RORB: variants seen among roughly 807,000 people sequenced by gnomAD.
RORB encodes the protein RAR related orphan receptor B, also known as nuclear receptor ROR-beta.
RORB carries 6 observed loss-of-function variants against 59.1 expected under a neutral mutation model. The observed-to-expected ratio is 0.10, with a 90% CI of 0.06 to 0.20. The LOEUF (loss-of-function observed/expected upper bound fraction) is 0.20, where lower values mean the gene tolerates loss of function less well. RORB is among the 10% of genes least tolerant of loss of function. The pLI is 1.00. For synonymous variants in RORB, 215 were observed against 204.5 expected (o/e 1.05, Z -0.44); for missense variants, 320 against 560.5 (o/e 0.57, Z 4.33).
chr9:74,526,614 G>A (rs1826159734), intron 1 of RORB, among the ~76,000 whole-genome samples: 1 of 151,918 alleles, frequency 6.6e-6, no homozygotes, highest in East Asian at 1.9e-4. Context: ...ACTCCCATTT[G>A]TGCCAGAAAC....
chr9:74,558,979 T>C (rs1010269419), intron 1 of RORB, among the ~76,000 whole-genome samples: 6 of 152,098 alleles, frequency 3.9e-5, no homozygotes, highest in African/African-American at 1.2e-4. Context: ...CTACCAACAA[T>C]TATGAAAAGA....
chr9:74,554,762 G>A (rs947405657), intron 1 of RORB, among the ~76,000 whole-genome samples: 3 of 152,120 alleles, frequency 2.0e-5, no homozygotes, highest in African/African-American at 7.2e-5. Flanking sequence ...ATTTGGCAGC[G>A]CCAGGCCACA....
chr9:74,514,931 TA>T (rs990306037), intron 1 of RORB, among the ~76,000 whole-genome samples: 36 of 151,564 alleles, frequency 2.4e-4, no homozygotes, highest in African/African-American at 8.0e-4. Context: ...AACCCTCAAG[TA>T]TAACTTCTGA....
chr9:74,653,972 A>G (rs1445611094), intron 4 of RORB, among the ~76,000 whole-genome samples: 2 of 152,158 alleles, frequency 1.3e-5, no homozygotes, highest in Non-Finnish European at 2.9e-5. Flanking sequence ...TTGTCAGTTT[A>G]CTTCTTTTTC....
chr9:74,531,890 A>G (rs373800798), intron 1 of RORB, among the ~76,000 whole-genome samples: 3 of 151,908 alleles, frequency 2.0e-5, no homozygotes, highest in African/African-American at 7.2e-5. Context: ...ATGAATTCCT[A>G]GTCTTGAAAT....
chr9:74,497,802 G>A lies in RORB; in HGVS notation c.-175G>A, dbSNP rs1371538473. On this transcript the variant is annotated 5_prime_UTR_variant, in exon 1 of 10. Transcript: ENST00000376896. ...CATCAAAACTGTTAACATAGCGGCGGCGGCGGCAAACGTCACCCTGCAGCC... is the reference window on the plus strand; with the variant it reads ...CATCAAAACTGTTAACATAGCGGCGACGGCGGCAAACGTCACCCTGCAGCC... 1.6e-6 allele frequency: 1 copy of A among 630,250 alleles called. No individual in the cohort carries two copies. Among genetic ancestry groups the A allele is most frequent in the Non-Finnish European group, 2.8e-6 (1 of 354,460 alleles). 39.0% of individuals were successfully genotyped at this position (630,250 alleles called of 1,614,324 possible). A position where few individuals can be genotyped will look rare whatever the true frequency, so the allele number is the denominator to read the frequency against.
chr9:74,575,334 C>T (rs151115694), intron 1 of RORB, among the ~76,000 whole-genome samples: 1 of 152,204 alleles, frequency 6.6e-6, no homozygotes, highest in East Asian at 1.9e-4. Flanking sequence ...GATGGAGGAC[C>T]TGCAGGGCTT....
intron 1 of RORB, among the ~76,000 whole-genome samples, chr9:74,550,970 A>G (rs1826599024): frequency 6.6e-6 from 1 of 152,224 alleles, no homozygotes; most frequent in Non-Finnish European, 1.5e-5. Flanking sequence ...TATTTTAGAT[A>G]TATTGGATTA....
In RORB at chr9:74,635,616, A is replaced by G. The variant is rs375691057; in HGVS notation, c.235+844A>G. ...ATTTCTGTCTTGTTCCCACTAAAAC[A>G]TCAGGCTCTGCTTAAAAGCACACAC... On this transcript the variant is annotated intron_variant, in intron 3 of 9. Transcript: ENST00000376896. Among the ~76,000 whole-genome samples, 6 of 152,286 alleles carry G rather than the reference A, an allele frequency of 3.9e-5. No individual in the cohort carries two copies. In the East Asian group the frequency reaches 1.2e-3, roughly 29 times the overall value.
At chr9:74,566,294 A>G (rs755412829) in intron 1 of RORB, among the ~76,000 whole-genome samples, 6 of 151,984 alleles carry the variant, frequency 3.9e-5, no homozygotes, top group Non-Finnish European at 8.8e-5. Context: ...TAGAATCTCA[A>G]AGTCATTCTG....
chr9:74,543,952 T>C (rs1298753188), intron 1 of RORB, among the ~76,000 whole-genome samples: 3 of 152,190 alleles, frequency 2.0e-5, no homozygotes, highest in African/African-American at 7.2e-5. Flanking sequence ...TAGAACACCT[T>C]GAAACTAGAC....
intron 5 of RORB, among the ~76,000 whole-genome samples, chr9:74,661,162 G>C (rs1824173664): frequency 6.6e-6 from 1 of 152,152 alleles, no homozygotes; most frequent in African/African-American, 2.4e-5. Flanking sequence ...GCTTTCTAAA[G>C]TTTTTTCTTG....
At chr9:74,568,547 A>G (rs1462182597) in intron 1 of RORB, among the ~76,000 whole-genome samples, 1 of 151,926 alleles carries the variant, frequency 6.6e-6, no homozygotes, top group Non-Finnish European at 1.5e-5. Context: ...TAAAAATACA[A>G]AAATTAGCCA....
chr9:74,658,223 C>G (rs1824120994), intron 4 of RORB, among the ~76,000 whole-genome samples: 1 of 152,058 alleles, frequency 6.6e-6, no homozygotes, highest in South Asian at 2.1e-4. Flanking sequence ...CAGTATGAGT[C>G]TCACTGGAAC....
chr9:74,605,928 C>T lies in RORB; in HGVS notation c.8-24354C>T, dbSNP rs192065282. Among the ~76,000 whole-genome samples, 265 of 152,218 alleles carry T rather than the reference C, an allele frequency of 1.7e-3. 2 individuals carry two copies. The highest frequency in any genetic ancestry group is 5.7e-3 in the African/African-American group (235 of 41,532). On this transcript the variant is annotated intron_variant, in intron 1 of 9. Transcript: ENST00000376896. ...TTCCTGGACCACATCTCAGTAGACT[C>T]GAGGTGGGTCAGGGAATTTGTATCT...
intron 1 of RORB, among the ~76,000 whole-genome samples, chr9:74,559,059 C>T (rs1484916125): frequency 6.6e-6 from 1 of 152,102 alleles, no homozygotes; most frequent in Non-Finnish European, 1.5e-5. Context: ...GCATGGTTGT[C>T]CACTTTAAAA....
At chr9:74,542,325 C>A (rs1272912427) in intron 1 of RORB, among the ~76,000 whole-genome samples, 1 of 152,042 alleles carries the variant, frequency 6.6e-6, no homozygotes, top group Non-Finnish European at 1.5e-5. Context: ...AAGCAGGAGA[C>A]AATGAATAAC....
chr9:74,519,376 A>AGTAC lies in RORB; in HGVS notation c.7+21394_7+21397dup, dbSNP rs1379973954. Among the ~76,000 whole-genome samples, 14 of 152,132 alleles carry AGTAC rather than the reference A, an allele frequency of 9.2e-5. No individual in the cohort carries two copies. In the South Asian group the frequency reaches 1.4e-3, roughly 16 times the overall value. ...GGGAGATTCTTTAGCCTTTCCTTCA[A>AGTAC]GTACATCTTTCTCCTGAGTACATTT... On this transcript the variant is annotated intron_variant, in intron 1 of 9. Transcript: ENST00000376896.
chr9:74,649,982 A>G (rs1823965876), intron 4 of RORB, among the ~76,000 whole-genome samples: 1 of 152,200 alleles, frequency 6.6e-6, no homozygotes, highest in Non-Finnish European at 1.5e-5. Context: ...AGAATTCAGA[A>G]CCTCATAAGA....
Sources: allele counts gnomAD v4.1 joint callset (sites outside exome capture counted in the v4.1 genomes callset), GRCh38; gene constraint gnomAD v4.1.1; transcripts MANE v1.5; gene names NCBI Gene and HGNC (gene_info 2026-07-23, HGNC 2026-07-21).